Variants in RBMS1 observed in about 807,000 individuals in gnomAD.
RBMS1 encodes the protein RNA binding motif single stranded interacting protein 1.
A neutral mutation model predicts 62.3 loss-of-function variants in RBMS1; 17 were observed. That is an observed-to-expected ratio of 0.27 (90% confidence interval 0.19 to 0.41). RBMS1 has a LOEUF of 0.41. Ranked by LOEUF, RBMS1 falls within the 10% of genes least tolerant of loss-of-function variation. The pLI is 1.00. For synonymous variants in RBMS1, 172 were observed against 170.0 expected, an observed-to-expected ratio of 1.01 and a Z score of -0.09; for missense variants, 334 against 504.5, an observed-to-expected ratio of 0.66 and a Z score of 3.24.
chr2:160,432,328 T>C (rs1260709872), intron 1 of RBMS1: 1 of 152,098 alleles, frequency 6.6e-6, no homozygotes, highest in Non-Finnish European at 1.5e-5. Context: ...TGGAGGAGAA[T>C]CTGAAAGCGC....
intron 1 of RBMS1, among the ~76,000 whole-genome samples, chr2:160,465,268 A>C (rs529414113): frequency 6.6e-6 from 1 of 152,330 alleles, no homozygotes; most frequent in East Asian, 1.9e-4. Context: ...TAGAAATTCA[A>C]GATTAAGTGT....
At chr2:160,392,460 C>CAA (rs761100589) in intron 1 of RBMS1, among the ~76,000 whole-genome samples, 74 of 123,694 alleles carry the variant, frequency 6.0e-4, no homozygotes, top group Admixed American at 1.1e-3. Context: ...TGGCCCTTCA[C>CAA]AAAAAAAAAA....
At chr2:160,311,232 C>CTCTCTCTCTCTCTA (rs1553505424) in intron 4 of RBMS1, among the ~76,000 whole-genome samples, 7 of 79,256 alleles carry the variant, frequency 8.8e-5, no homozygotes, top group South Asian at 4.5e-4. Flanking sequence ...ATCTATCTAT[C>CTCTCTCTCTCTCTA]TATATATATA....
chr2:160,398,828 G>A (rs956711898), intron 1 of RBMS1, among the ~76,000 whole-genome samples: 3 of 151,942 alleles, frequency 2.0e-5, no homozygotes, highest in Non-Finnish European at 1.5e-5. Context: ...GTCTATTCCC[G>A]AGACCTTCCC....
chr2:160,277,737 T>C (rs1343416435), intron 11 of RBMS1: 3 of 192,358 alleles, frequency 1.6e-5, no homozygotes, highest in Non-Finnish European at 3.3e-5. Context: ...CATTATTTTC[T>C]AGCAGCCCCC....
intron 12 of RBMS1, among the ~76,000 whole-genome samples, chr2:160,276,116 T>C (rs1466601364): frequency 6.6e-6 from 1 of 152,168 alleles, no homozygotes. Flanking sequence ...ATATTAATAG[T>C]TCTACACTGG....
intron 1 of RBMS1, among the ~76,000 whole-genome samples, chr2:160,428,519 AAG>A (rs1491049694): frequency 2.2e-5 from 3 of 137,702 alleles, no homozygotes; most frequent in Non-Finnish European, 3.3e-5. Flanking sequence ...GAAGAAGAAG[AAG>A]AAAAAAACTC....
intron 2 of RBMS1, among the ~76,000 whole-genome samples, chr2:160,354,155 C>A (rs1020637346): frequency 3.9e-5 from 6 of 152,100 alleles, no homozygotes; most frequent in African/African-American, 1.4e-4. Context: ...TCCTCGTTAA[C>A]AGCCACTTGA....
chr2:160,394,015 C>T (rs771878447), intron 1 of RBMS1, among the ~76,000 whole-genome samples: 5 of 152,190 alleles, frequency 3.3e-5, no homozygotes, highest in African/African-American at 9.6e-5. Flanking sequence ...TCACTTCATC[C>T]GAAACACTAG....
rs555268566 is a variant in RBMS1, at chr2:160,286,521, T to C, written c.756+448A>G. Among the ~76,000 whole-genome samples the C allele has an allele frequency of 7.0e-4, 106 of 152,156 alleles. 1 individual carries two copies. Among genetic ancestry groups the C allele is most frequent in the Non-Finnish European group, 1.3e-3 (87 of 67,992 alleles). The stretch of plus-strand genomic sequence containing the variant: ...TTTTAGTAGAGACGGGGTTTCGCCA[T>C]GTTGGCCAGGCTGATCTCTAACTCC... On this transcript the variant is annotated intron_variant, in intron 7 of 13. Transcript: ENST00000348849.
intron 1 of RBMS1, among the ~76,000 whole-genome samples, chr2:160,454,877 G>A (rs1684152934): frequency 6.6e-6 from 1 of 152,178 alleles, no homozygotes; most frequent in Non-Finnish European, 1.5e-5. Context: ...AGATGGAAAA[G>A]TTCTCCATTT....
At chr2:160,461,605 C>T (rs1057421499) in intron 1 of RBMS1, among the ~76,000 whole-genome samples, 4 of 152,210 alleles carry the variant, frequency 2.6e-5, no homozygotes, top group Non-Finnish European at 1.5e-5. Context: ...ATAGGCCAAG[C>T]ATGTGTGCAG....
chr2:160,440,695 ACT>A (rs964012404), intron 1 of RBMS1, among the ~76,000 whole-genome samples: 1 of 152,032 alleles, frequency 6.6e-6, no homozygotes, highest in African/African-American at 2.4e-5. Flanking sequence ...ACTCGAGGTC[ACT>A]CTCTGTAACA....
At chr2:160,439,879 C>T (rs1034567669) in intron 1 of RBMS1, among the ~76,000 whole-genome samples, 14 of 152,100 alleles carry the variant, frequency 9.2e-5, no homozygotes, top group African/African-American at 3.4e-4. Flanking sequence ...ACAGCGAAAC[C>T]CCGTCTCCAC....
chr2:160,328,118 G>A (rs1234123302), intron 2 of RBMS1, among the ~76,000 whole-genome samples: 1 of 152,136 alleles, frequency 6.6e-6, no homozygotes, highest in Non-Finnish European at 1.5e-5. Context: ...CTGTGACTCT[G>A]GTGTAGTTAG....
In RBMS1 at chr2:160,493,519, A is replaced by ACGTCCTCCTCCT. The variant is rs1685957805; in HGVS notation, c.-168_-157dup. 6 of 619,756 alleles carry ACGTCCTCCTCCT rather than the reference A, an allele frequency of 9.7e-6. No individual in the cohort carries two copies. Among genetic ancestry groups the ACGTCCTCCTCCT allele is most frequent in the East Asian group, 2.9e-5 (1 of 34,844 alleles). 38.4% of individuals were successfully genotyped at this position (619,756 alleles called of 1,614,324 possible). ...TGCTCCACCTCCCAGCCGGGACCAGACGTCCTCCTCCTCCTCCTCCTCTTC... is the reference window on the plus strand; with the variant it reads ...TGCTCCACCTCCCAGCCGGGACCAGACGTCCTCCTCCTCGTCCTCCTCCTCCTCCTCCTCTTC... On this transcript the variant is annotated 5_prime_UTR_variant, in exon 1 of 14. Coordinates refer to ENST00000348849, the MANE Select transcript of RBMS1 (RefSeq NM_016836.4).
chr2:160,388,881 G>A (rs1025727817), intron 1 of RBMS1, among the ~76,000 whole-genome samples: 1 of 152,206 alleles, frequency 6.6e-6, no homozygotes, highest in Non-Finnish European at 1.5e-5. Context: ...GAATCCCCCT[G>A]GGGGGAGGCC....
chr2:160,413,895 T>C (rs555373516), intron 1 of RBMS1, among the ~76,000 whole-genome samples: 1 of 152,252 alleles, frequency 6.6e-6, no homozygotes, highest in Non-Finnish European at 1.5e-5. Flanking sequence ...GGGTTTGATC[T>C]TGGGTCTCTT....
intron 9 of RBMS1, chr2:160,283,460 A>G (rs1261683437): frequency 3.9e-5 from 6 of 152,236 alleles, no homozygotes; most frequent in Admixed American, 2.0e-4. Context: ...AATAAGTAAC[A>G]TAAGAACCCA....
Sources: gnomAD v4.1 joint callset for allele counts (sites outside exome capture counted in the v4.1 genomes callset) on GRCh38, gnomAD v4.1.1 for gene constraint, MANE v1.5 for transcripts, NCBI Gene and HGNC (gene_info 2026-07-23, HGNC 2026-07-21) for gene names.